ITPRID1: variants seen among roughly 807,000 people sequenced by gnomAD.
ITPRID1 encodes the protein protein ITPRID1.
In ITPRID1, 96 loss-of-function variants were observed where a neutral mutation model predicts 95.4. The observed-to-expected ratio is 1.01, with a 90% CI of 0.85 to 1.19. ITPRID1 has a LOEUF of 1.19. ITPRID1 is among the 50% of genes most tolerant of loss of function. The probability of loss-of-function intolerance (pLI) is 0.00; values close to 1 mark genes in which losing one functional copy is unlikely to be tolerated. For missense variants in ITPRID1, 1,339 were observed against 1,252.9 expected (o/e 1.07, Z -1.04); for synonymous variants, 510 against 453.6 (o/e 1.12, Z -1.58).
chr7:31,519,876 G>A (rs1441620473), intron 1 of ITPRID1, among the ~76,000 whole-genome samples: 1 of 151,330 alleles, frequency 6.6e-6, no homozygotes, highest in Non-Finnish European at 1.5e-5. Flanking sequence ...TATGATACAT[G>A]TGTTTATAAT....
At position 31,578,379 on chromosome 7, in the gene ITPRID1, T is replaced by C. The variant is rs776985269; in HGVS notation, c.1115T>C (p.Leu372Pro). 3 of 1,613,534 alleles carry C rather than the reference T, an allele frequency of 1.9e-6. No homozygotes were observed. In the South Asian group the frequency reaches 3.3e-5, roughly 18 times the overall value. The change falls in exon 9 of 15, where the codon CTC becomes CCC. Residue 372 changes from leucine (L) to proline (P), a missense_variant. By Grantham distance (98) the Leu-to-Pro change is moderately conservative. Transcript: ENST00000615280. ...GAGAACTTATTTCAGACTAACAAGC[T>C]CAAGAGCTTGTCTCATCTTGCAGGC... is the stretch of plus-strand genomic sequence containing the variant. The part of the protein sequence containing the change: ...QKENLFQTNK[L>P]KSLSHLAGKG...
intron 10 of ITPRID1, among the ~76,000 whole-genome samples, chr7:31,638,487 G>T (rs906174527): frequency 1.3e-5 from 2 of 151,946 alleles, no homozygotes; most frequent in African/African-American, 4.8e-5. Context: ...CTAGGTTTTT[G>T]TTATAAATCC....
chr7:31,587,148 G>T (rs1212153197), intron 10 of ITPRID1, among the ~76,000 whole-genome samples: 2 of 152,162 alleles, frequency 1.3e-5, no homozygotes, highest in Non-Finnish European at 2.9e-5. Context: ...GGGCAATTAG[G>T]CAGGAGAAGG....
intron 2 of ITPRID1, among the ~76,000 whole-genome samples, chr7:31,550,847 G>GGGACGTACAA (rs1784263727): frequency 7.0e-6 from 1 of 142,808 alleles, no homozygotes; most frequent in African/African-American, 2.5e-5. Flanking sequence ...TGGAAGTTTG[G>GGGACGTACAA]GGACGTACAA....
At chr7:31,590,956 G>C (rs1032847457) in intron 10 of ITPRID1, among the ~76,000 whole-genome samples, 4 of 152,182 alleles carry the variant, frequency 2.6e-5, no homozygotes, top group Non-Finnish European at 4.4e-5. Flanking sequence ...GTTCAAAGTG[G>C]TGCCAGGTTT....
At chr7:31,642,516 C>A (rs1014954823) in intron 11 of ITPRID1, among the ~76,000 whole-genome samples, 166 bp from the exon 12 acceptor site, 5 of 152,170 alleles carry the variant, frequency 3.3e-5, no homozygotes, top group African/African-American at 1.2e-4. Context: ...GAGGCTGAGC[C>A]TCCTAGAGAG....
chr7:31,651,318 G>C, intron 13 of ITPRID1, 49 bp downstream of exon 13: 1 of 1,591,772 alleles, frequency 6.3e-7, no homozygotes, highest in Non-Finnish European at 8.6e-7. Flanking sequence ...CACACACCTG[G>C]AGCAAGGAAG....
chr7:31,638,753 G>C (rs1012198246), intron 10 of ITPRID1, among the ~76,000 whole-genome samples: 1 of 151,926 alleles, frequency 6.6e-6, no homozygotes, highest in African/African-American at 2.4e-5. Context: ...ATTGGTGTTG[G>C]GTAATTTTTC....
chr7:31,561,446 A>G (rs1483702970), intron 5 of ITPRID1, among the ~76,000 whole-genome samples: 1 of 107,402 alleles, frequency 9.3e-6, no homozygotes, highest in Non-Finnish European at 2.4e-5. Context: ...AATCTCTTCC[A>G]ATAAAACATT....
intron 9 of ITPRID1, among the ~76,000 whole-genome samples, chr7:31,579,765 G>A (rs541954138): frequency 6.6e-6 from 1 of 152,142 alleles, no homozygotes; most frequent in South Asian, 2.1e-4. Flanking sequence ...CTATGTATAT[G>A]TATATATGGT....
Position 31,642,945 on chromosome 7 carries a change from C to G in ITPRID1, c.1575C>G (p.Ala525=). The G allele has an allele frequency of 1.9e-6, 3 of 1,614,046 alleles. No homozygotes were observed. The highest frequency in any genetic ancestry group is 2.5e-6 in the Non-Finnish European group (3 of 1,179,904). Residue 525 remains alanine (A), a synonymous_variant, in exon 12 of 15, where the codon GCC becomes GCG. Coordinates refer to ENST00000615280, the MANE Select transcript of ITPRID1 (RefSeq NM_001257967.3). ...TGTATATCCCAGACATGGCCTGTGC[C>G]AAGACCACCACGAGGGGAGAATGCC... ...PELYIPDMAC[A]KTTTRGECPR...
In ITPRID1 at chr7:31,529,961, C is replaced by T. The variant is rs1197970341; in HGVS notation, c.-98+15841C>T. ...TGTTCTGAAACTTCTTTACCTGCAG[C>T]TGTGTGACTGGGTGATTCCTAGGAA... On this transcript the variant is annotated intron_variant, in intron 1 of 14. Coordinates refer to ENST00000615280, the MANE Select transcript of ITPRID1 (RefSeq NM_001257967.3). The T allele has an allele frequency of 1.4e-5, 9 of 643,910 alleles. No homozygotes were observed. The East Asian group carries it at 2.2e-4, about 16-fold the overall frequency. 39.9% of individuals were successfully genotyped at this position (643,910 alleles called of 1,614,324 possible).
At chr7:31,628,082 C>T (rs1017799754) in intron 10 of ITPRID1, among the ~76,000 whole-genome samples, 3 of 152,166 alleles carry the variant, frequency 2.0e-5, no homozygotes, top group Admixed American at 2.0e-4. Context: ...ACTACTGGAG[C>T]CTGTGAAAGT....
chr7:31,568,987 G>A (rs1407624257), intron 5 of ITPRID1, among the ~76,000 whole-genome samples: 1 of 152,068 alleles, frequency 6.6e-6, no homozygotes, highest in African/African-American at 2.4e-5. Context: ...TCTATTTCAG[G>A]GATTTGTTGT....
At position 31,554,847 on chromosome 7, in the gene ITPRID1, T is replaced by C. The variant is rs897048223; in HGVS notation, c.213-11T>C. 2 of 1,563,330 alleles carry C rather than the reference T, an allele frequency of 1.3e-6. No individual in the cohort carries two copies. ...CATTGTTTGACTCACAATACTTTTGTTTCTTTACAGTGTCTCTGCAAATGA... is the reference window on the plus strand; with the variant it reads ...CATTGTTTGACTCACAATACTTTTGCTTCTTTACAGTGTCTCTGCAAATGA... On this transcript the variant is annotated splice_polypyrimidine_tract_variant and intron_variant, in intron 4 of 14. Transcript: ENST00000615280.
In ITPRID1 at chr7:31,567,538, T is replaced by A. The variant is rs190238804; in HGVS notation, c.257-2220T>A. On this transcript the variant is annotated intron_variant, in intron 5 of 14. Transcript: ENST00000615280. ...AGAGGCCGTATATATTCCCACTCACTATTTAAACCTTTAAAATCGATTCTA... is the reference window on the plus strand; with the variant it reads ...AGAGGCCGTATATATTCCCACTCACAATTTAAACCTTTAAAATCGATTCTA... 9.2e-4 allele frequency among the ~76,000 whole-genome samples: 140 copies of A among 151,776 alleles called. 1 individual carries two copies. The highest frequency in any genetic ancestry group is 3.3e-3 in the African/African-American group (138 of 41,374).
downstream of ITPRID1, chr7:31,656,526 A>T (rs955776794): frequency 2.3e-6 from 2 of 883,516 alleles, no homozygotes; most frequent in African/African-American, 6.4e-5. Context: ...CTTCTGTTGA[A>T]AAGAACTGTT....
chr7:31,656,918 A>C (rs2128223665), downstream of ITPRID1, among the ~76,000 whole-genome samples: 1 of 151,750 alleles, frequency 6.6e-6, no homozygotes, highest in East Asian at 1.9e-4. Flanking sequence ...TGCTGTCTTC[A>C]GTGCATGATG....
At chr7:31,583,766 A>C (rs1339985674) in intron 10 of ITPRID1, among the ~76,000 whole-genome samples, 1 of 152,126 alleles carries the variant, frequency 6.6e-6, no homozygotes, top group Non-Finnish European at 1.5e-5. Flanking sequence ...TGATCTGACT[A>C]CCATAGTGGA....
Sources: gnomAD v4.1 joint callset for allele counts (sites outside exome capture counted in the v4.1 genomes callset) on GRCh38, gnomAD v4.1.1 for gene constraint, MANE v1.5 for transcripts, NCBI Gene and HGNC (gene_info 2026-07-23, HGNC 2026-07-21) for gene names.